KCNH8: variants seen among roughly 807,000 people sequenced by gnomAD.
The protein encoded by KCNH8 is potassium voltage-gated channel subfamily H member 8.
A neutral mutation model predicts 103.6 loss-of-function variants in KCNH8; 70 were observed. The observed-to-expected ratio is 0.68, with a 90% confidence interval of 0.56 to 0.82. KCNH8 has a LOEUF of 0.82. Among genes scored for constraint, KCNH8 ranks in the 40% least tolerant of loss-of-function variants. The probability of loss-of-function intolerance (pLI) is 0.00; values close to 1 mark genes in which losing one functional copy is unlikely to be tolerated. For synonymous variants in KCNH8, 498 were observed against 489.4 expected (o/e 1.02, Z -0.23); for missense variants, 1,217 against 1,329.9 (o/e 0.92, Z 1.32).
chr3:19,292,020 A>G (rs1234258513), intron 3 of KCNH8, among the ~76,000 whole-genome samples: 1 of 152,190 alleles, frequency 6.6e-6, no homozygotes, highest in African/African-American at 2.4e-5. Flanking sequence ...ACTCAGTTGC[A>G]TTTGTGTCAA....
intron 7 of KCNH8, among the ~76,000 whole-genome samples, chr3:19,437,303 A>T (rs912462051): frequency 6.6e-6 from 1 of 152,172 alleles, no homozygotes; most frequent in Non-Finnish European, 1.5e-5. Context: ...AAAGAATTTT[A>T]AAGTGATTTT....
intron 5 of KCNH8, among the ~76,000 whole-genome samples, chr3:19,358,153 T>C (rs970879021): frequency 1.2e-4 from 17 of 146,484 alleles, no homozygotes; most frequent in Admixed American, 1.2e-3. Flanking sequence ...CCTTCCTTCC[T>C]TCCTTTCTTC....
chr3:19,391,939 A>G (rs1273332046), intron 6 of KCNH8, among the ~76,000 whole-genome samples: 1 of 151,938 alleles, frequency 6.6e-6, no homozygotes, highest in Admixed American at 6.6e-5. Flanking sequence ...AAATTTCCAA[A>G]TTCCCCTGGC....
chr3:19,226,360 A>G (rs951600180), intron 1 of KCNH8, among the ~76,000 whole-genome samples: 33 of 152,196 alleles, frequency 2.2e-4, no homozygotes, highest in African/African-American at 8.0e-4. Flanking sequence ...GATCATTAGT[A>G]GTAGTAGTTA....
At chr3:19,523,076 T>G in intron 15 of KCNH8, among the ~76,000 whole-genome samples, 1 of 151,804 alleles carries the variant, frequency 6.6e-6, no homozygotes, top group East Asian at 1.9e-4. Flanking sequence ...ATTAGCACGT[T>G]GTTAACTTTA....
intron 1 of KCNH8, among the ~76,000 whole-genome samples, chr3:19,243,747 A>AT (rs1455899299): frequency 1.3e-5 from 2 of 152,064 alleles, no homozygotes; most frequent in East Asian, 1.9e-4. Context: ...TGAATTAACC[A>AT]TTTTTTTCCT....
chr3:19,490,878 A>G (rs2068305848), intron 11 of KCNH8, among the ~76,000 whole-genome samples: 1 of 152,146 alleles, frequency 6.6e-6, no homozygotes, highest in African/African-American at 2.4e-5. Context: ...AGTTAGCACA[A>G]TGGATTTTTT....
chr3:19,506,524 C>T (rs2068696505), intron 11 of KCNH8, among the ~76,000 whole-genome samples: 1 of 152,150 alleles, frequency 6.6e-6, no homozygotes, highest in Admixed American at 6.5e-5. Flanking sequence ...TGTGGCTCCT[C>T]TGTATTTCCT....
At chr3:19,403,987 T>C (rs1408244875) in intron 7 of KCNH8, among the ~76,000 whole-genome samples, 15 of 151,896 alleles carry the variant, frequency 9.9e-5, no homozygotes, top group Admixed American at 9.9e-4. Context: ...GTCCTGAAAT[T>C]TGTGTGAGGA....
At chr3:19,385,855 C>T (rs2066349445) in intron 5 of KCNH8, among the ~76,000 whole-genome samples, 1 of 152,006 alleles carries the variant, frequency 6.6e-6, no homozygotes, top group South Asian at 2.1e-4. Flanking sequence ...ATCTCTCCGC[C>T]CACACTGTAC....
intron 2 of KCNH8, among the ~76,000 whole-genome samples, chr3:19,259,611 C>T (rs2064401245): frequency 6.6e-6 from 1 of 151,600 alleles, no homozygotes; most frequent in African/African-American, 2.4e-5. Context: ...TGATGCACTT[C>T]AATTTATTTA....
At chr3:19,492,057 T>C (rs1291489424) in intron 11 of KCNH8, among the ~76,000 whole-genome samples, 2 of 152,238 alleles carry the variant, frequency 1.3e-5, no homozygotes. Context: ...AAGTTTCTTA[T>C]AGATTCTGGA....
intron 3 of KCNH8, among the ~76,000 whole-genome samples, chr3:19,296,633 G>A (rs1438011635): frequency 3.9e-5 from 6 of 152,212 alleles, no homozygotes; most frequent in South Asian, 2.1e-4. Flanking sequence ...ATGGTTATTC[G>A]TAATAAACTA....
At chr3:19,362,843 A>T (rs540613095) in intron 5 of KCNH8, among the ~76,000 whole-genome samples, 1 of 152,096 alleles carries the variant, frequency 6.6e-6, no homozygotes, top group Admixed American at 6.6e-5. Context: ...GTTTTTTTGT[A>T]GATGGGGTTT....
intron 11 of KCNH8, among the ~76,000 whole-genome samples, chr3:19,498,851 C>A (rs1240363165): frequency 1.3e-5 from 2 of 151,704 alleles, no homozygotes; most frequent in Non-Finnish European, 2.9e-5. Context: ...TATGAGGTGT[C>A]AGTCTGCCCC....
intron 1 of KCNH8, among the ~76,000 whole-genome samples, chr3:19,180,662 T>G (rs886650614): frequency 6.6e-6 from 1 of 152,166 alleles, no homozygotes; most frequent in East Asian, 1.9e-4. Context: ...AGCAAATCAG[T>G]ACAAAGTTGT....
chr3:19,347,716 C>T lies in KCNH8; in HGVS notation c.571-9C>T, dbSNP rs536582306. 6.2e-7 allele frequency: 1 copy of T among 1,611,156 alleles called. No homozygotes were observed. The highest frequency in any genetic ancestry group is 1.7e-5 in the Admixed American group (1 of 59,560). On this transcript the variant is annotated splice_polypyrimidine_tract_variant and intron_variant, in intron 4 of 15. Transcript: ENST00000328405. ...TTCTCCTTTCTCTCCTTTTTGTCTT[C>T]ATCCACAGAATGTTTTTGTAGATAA...
chr3:19,458,338 A>G (rs925976764), intron 11 of KCNH8, among the ~76,000 whole-genome samples: 4 of 151,958 alleles, frequency 2.6e-5, no homozygotes, highest in African/African-American at 4.8e-5. Context: ...TTGAAAATCA[A>G]AGGTGAGTTA....
At position 19,534,330 on chromosome 3, in the gene KCNH8, TG is replaced by T. The variant is rs901417422; in HGVS notation, c.*232del. On this transcript the variant is annotated 3_prime_UTR_variant, in exon 16 of 16. Transcript: ENST00000328405. ...CTGTACAGGTATTAAACTACTGGTC[TG>T]TTTGACAGACTTTGGTAACAATCCA... is the stretch of plus-strand genomic sequence containing the variant. 2.8e-4 allele frequency: 150 copies of T among 527,236 alleles called. No homozygotes were observed. Among genetic ancestry groups the T allele is most frequent in the Non-Finnish European group, 6.0e-5 (18 of 300,080 alleles). 32.7% of individuals were successfully genotyped at this position (527,236 alleles called of 1,614,324 possible).
Sources: allele counts gnomAD v4.1 joint callset (sites outside exome capture counted in the v4.1 genomes callset), GRCh38; gene constraint gnomAD v4.1.1; transcripts MANE v1.5; gene names NCBI Gene and HGNC (gene_info 2026-07-23, HGNC 2026-07-21).